Variants in WFDC9 observed in about 807,000 individuals in gnomAD.
WFDC9 encodes protein WFDC9.
A neutral mutation model predicts 9.5 loss-of-function variants in WFDC9; 9 were observed. The observed-to-expected ratio is 0.95, with a 90% CI of 0.57 to 1.65. The LOEUF is 1.65. Ranked by LOEUF, WFDC9 falls within the 40% of genes most tolerant of loss-of-function variation. The probability of loss-of-function intolerance (pLI) is 0.00; values close to 1 mark genes in which losing one functional copy is unlikely to be tolerated. For missense variants in WFDC9, 87 were observed against 106.7 expected, an observed-to-expected ratio of 0.82 and a Z score of 0.81; for synonymous variants, 33 against 32.3, an observed-to-expected ratio of 1.02 and a Z score of -0.07.
At chr20:45,625,248 A>G (rs1306831345) in intron 1 of WFDC9, among the ~76,000 whole-genome samples, 3 of 152,200 alleles carry the variant, frequency 2.0e-5, no homozygotes, top group Non-Finnish European at 2.9e-5. Context: ...CCTCGCTATC[A>G]TAAGAACAGC....
chr20:45,615,975 C>T (rs1205352609), intron 1 of WFDC9, among the ~76,000 whole-genome samples: 1 of 152,180 alleles, frequency 6.6e-6, no homozygotes, highest in African/African-American at 2.4e-5. Context: ...AGGGTCTTCC[C>T]TCAATGTTGA....
chr20:45,623,034 T>C (rs1323057516), intron 1 of WFDC9, among the ~76,000 whole-genome samples: 1 of 151,402 alleles, frequency 6.6e-6, no homozygotes, highest in Non-Finnish European at 1.5e-5. Flanking sequence ...GGCTCAGGAG[T>C]GAGGGGGAAA....
intron 1 of WFDC9, among the ~76,000 whole-genome samples, chr20:45,623,627 C>CAA (rs34393070): frequency 6.7e-4 from 92 of 137,182 alleles, no homozygotes; most frequent in East Asian, 5.2e-3. Context: ...AACTCCATCT[C>CAA]AAAAAAAAAA....
chr20:45,610,366 A>G (rs530104041), intron 2 of WFDC9, 127 bp from the exon 3 acceptor site: 4 of 478,138 alleles, frequency 8.4e-6, no homozygotes, highest in Non-Finnish European at 1.5e-5. Flanking sequence ...CAGGCTAGCC[A>G]GTGACTTCCC....
At chr20:45,618,029 T>C (rs1170931871) in intron 1 of WFDC9, among the ~76,000 whole-genome samples, 1 of 152,242 alleles carries the variant, frequency 6.6e-6, no homozygotes, top group Non-Finnish European at 1.5e-5. Flanking sequence ...TCTGTGTTGT[T>C]AAAGGGCCAA....
intron 1 of WFDC9, among the ~76,000 whole-genome samples, chr20:45,624,248 A>G (rs1182216038): frequency 6.6e-6 from 1 of 152,152 alleles, no homozygotes; most frequent in Admixed American, 6.6e-5. Context: ...CCTAGCTTCT[A>G]GTACCTGCTG....
In WFDC9 at chr20:45,610,158, G is replaced by T; in HGVS notation, c.24C>A (p.Leu8=). 6.2e-7 allele frequency: 1 copy of T among 1,614,054 alleles called. No individual in the cohort carries two copies. The highest frequency in any genetic ancestry group is 8.5e-7 in the Non-Finnish European group (1 of 1,180,004). The change falls in exon 3 of 5, where the codon CTC becomes CTA. Residue 8 remains leucine (L), a synonymous_variant. Coordinates refer to ENST00000326000, the MANE Select transcript of WFDC9 (RefSeq NM_147198.4). The part of the protein sequence containing the change: MKPWILL[L]VMFISGVVML... ...TCACAACTCCAGAGATGAACATGAC[G>T]AGTAGAAGAATCCAGGGCTTCATGG...
In WFDC9 at chr20:45,610,188, C is replaced by G. The variant is rs8114118; in HGVS notation, c.-7G>C. On this transcript the variant is annotated 5_prime_UTR_variant, in exon 3 of 5. Coordinates refer to ENST00000326000, the MANE Select transcript of WFDC9 (RefSeq NM_147198.4). The stretch of plus-strand genomic sequence containing the variant: ...GAAGAATCCAGGGCTTCATGGTGCT[C>G]TCTGTGTGTATTTGGGTTAAGTTCT... The G allele has an allele frequency of 2.8e-3, 4,489 of 1,613,618 alleles. 113 individuals carry two copies. The African/African-American group carries it at 0.052, about 19-fold the overall frequency.
intron 1 of WFDC9, among the ~76,000 whole-genome samples, chr20:45,628,174 A>C (rs908693236): frequency 6.6e-6 from 1 of 152,228 alleles, no homozygotes; most frequent in African/African-American, 2.4e-5. Flanking sequence ...ATAATAACTG[A>C]AATACAATAT....
chr20:45,615,926 A>T (rs1216398908), intron 1 of WFDC9, among the ~76,000 whole-genome samples: 2 of 152,256 alleles, frequency 1.3e-5, no homozygotes, highest in Admixed American at 6.5e-5. Flanking sequence ...GCTAATGATT[A>T]TCTGAGCCTT....
chr20:45,614,923 G>C (rs1295038097), intron 1 of WFDC9, among the ~76,000 whole-genome samples: 1 of 152,092 alleles, frequency 6.6e-6, no homozygotes, highest in East Asian at 1.9e-4. Context: ...AGAACATTGT[G>C]TACCTGGATT....
chr20:45,618,900 A>C (rs896780660), intron 1 of WFDC9, among the ~76,000 whole-genome samples: 7 of 152,246 alleles, frequency 4.6e-5, no homozygotes, highest in African/African-American at 1.7e-4. Context: ...GCAAACCTTC[A>C]ATTTGTAAAA....
At position 45,627,155 on chromosome 20, in the gene WFDC9, G is replaced by A. The variant is rs555333463; in HGVS notation, c.-153+4048C>T. Among the ~76,000 whole-genome samples the A allele has an allele frequency of 4.6e-5, 7 of 152,168 alleles. No individual in the cohort carries two copies. The East Asian group carries it at 5.8e-4, about 13-fold the overall frequency. Reference sequence around the variant, plus strand: ...TGTACATTGAGCCATTCTTGCATTCGTATGATAAATCCCACTTGATCATGC... The same window carrying A: ...TGTACATTGAGCCATTCTTGCATTCATATGATAAATCCCACTTGATCATGC... On this transcript the variant is annotated intron_variant, in intron 1 of 4. Transcript: ENST00000326000.
chr20:45,610,811 G>C (rs1981843788), intron 2 of WFDC9, among the ~76,000 whole-genome samples: 1 of 152,214 alleles, frequency 6.6e-6, no homozygotes, highest in Non-Finnish European at 1.5e-5. Flanking sequence ...TGGAGGAATT[G>C]TAGAGAAGAT....
At chr20:45,623,252 G>A (rs1982140720) in intron 1 of WFDC9, among the ~76,000 whole-genome samples, 1 of 152,140 alleles carries the variant, frequency 6.6e-6, no homozygotes, top group Non-Finnish European at 1.5e-5. Context: ...AATTAATCTG[G>A]ATGTTGTTGC....
At chr20:45,620,575 G>A (rs1431252752) in intron 1 of WFDC9, among the ~76,000 whole-genome samples, 1 of 152,174 alleles carries the variant, frequency 6.6e-6, no homozygotes, top group Non-Finnish European at 1.5e-5. Flanking sequence ...CTGGGTGATA[G>A]AGTGATACTC....
At chr20:45,630,981 C>T (rs771905484) in intron 1 of WFDC9, 2 of 1,609,180 alleles carry the variant, frequency 1.2e-6, no homozygotes, top group Admixed American at 1.7e-5. Flanking sequence ...ATATGCTGTT[C>T]TACCTACTGT....
At chr20:45,612,469 A>C (rs1981882152) in intron 2 of WFDC9, among the ~76,000 whole-genome samples, 1 of 152,224 alleles carries the variant, frequency 6.6e-6, no homozygotes, top group Non-Finnish European at 1.5e-5. Context: ...GGAAATGCAT[A>C]GATGGTAATC....
At chr20:45,621,274 T>C (rs1982092504) in intron 1 of WFDC9, among the ~76,000 whole-genome samples, 1 of 152,246 alleles carries the variant, frequency 6.6e-6, no homozygotes, top group Non-Finnish European at 1.5e-5. Flanking sequence ...CTTCTGACCT[T>C]GATATTTTCT....
Sources: allele counts gnomAD v4.1 joint callset (sites outside exome capture counted in the v4.1 genomes callset), GRCh38; gene constraint gnomAD v4.1.1; transcripts MANE v1.5; gene names NCBI Gene and HGNC (gene_info 2026-07-23, HGNC 2026-07-21).